MAPT: variants seen among roughly 807,000 people sequenced by gnomAD.
MAPT encodes the protein microtubule associated protein tau.
Under a neutral mutation model 67.9 loss-of-function variants are expected in MAPT, and 34 were observed. The observed-to-expected ratio is 0.50, with a 90% CI of 0.38 to 0.67. The LOEUF is 0.67. Among genes scored for constraint, MAPT ranks in the 30% least tolerant of loss-of-function variants. The probability of loss-of-function intolerance (pLI) is 0.00; values close to 1 mark genes in which losing one functional copy is unlikely to be tolerated. For synonymous variants in MAPT, 456 were observed against 464.5 expected, an observed-to-expected ratio of 0.98 and a Z score of 0.23; for missense variants, 881 against 1,115.2, an observed-to-expected ratio of 0.79 and a Z score of 2.99.
At chr17:46,001,876 T>G (rs2075030987) in intron 9 of MAPT, among the ~76,000 whole-genome samples, 2 of 152,076 alleles carry the variant, frequency 1.3e-5, no homozygotes, top group Non-Finnish European at 2.9e-5. Flanking sequence ...GGCAAGGACA[T>G]GCAGGGGGAG....
At chr17:45,992,577 G>C (rs994610533) in intron 8 of MAPT, among the ~76,000 whole-genome samples, 2 of 152,240 alleles carry the variant, frequency 1.3e-5, no homozygotes, top group African/African-American at 4.8e-5. Flanking sequence ...GAGTTATTTT[G>C]CAGCCAGGAG....
chr17:45,934,156 G>T (rs370431710), intron 1 of MAPT, among the ~76,000 whole-genome samples: 3 of 152,196 alleles, frequency 2.0e-5, no homozygotes, highest in African/African-American at 7.2e-5. Flanking sequence ...GAGGCCAGGA[G>T]TTCAAGACCT....
chr17:45,988,155 GC>G (rs932066042), intron 6 of MAPT, among the ~76,000 whole-genome samples: 37 of 152,252 alleles, frequency 2.4e-4, no homozygotes, highest in African/African-American at 8.9e-4. Flanking sequence ...CAGCCCCAGG[GC>G]CCCAGCCTGT....
At chr17:45,938,810 A>ATTTTTTTT in intron 1 of MAPT, among the ~76,000 whole-genome samples, 1 of 118,104 alleles carries the variant, frequency 8.5e-6, no homozygotes, top group Non-Finnish European at 1.7e-5. Context: ...TGCCCAGCTA[A>ATTTTTTTT]TTTTTTTTTT....
intron 1 of MAPT, among the ~76,000 whole-genome samples, chr17:45,955,300 C>T (rs1240697553): frequency 1.3e-5 from 2 of 152,178 alleles, no homozygotes; most frequent in African/African-American, 2.4e-5. Context: ...ATTTTGAAGC[C>T]CAGTCTAGTA....
Position 45,989,863 on chromosome 17 carries a change from A to G in MAPT, c.1408-15A>G, listed in dbSNP as rs2073922550. 4 of 1,611,472 alleles carry G rather than the reference A, an allele frequency of 2.5e-6. No individual in the cohort carries two copies. The highest frequency in any genetic ancestry group is 3.4e-6 in the Non-Finnish European group (4 of 1,177,700). On this transcript the variant is annotated splice_polypyrimidine_tract_variant and intron_variant, in intron 6 of 12. Transcript: ENST00000262410. ...GCTGACTTTTATTTTGATTTTATTT[A>G]TGTTTATGTTTAAGACATCCACACG...
intron 1 of MAPT, among the ~76,000 whole-genome samples, chr17:45,923,785 C>G (rs1275426553): frequency 6.6e-6 from 1 of 152,192 alleles, no homozygotes; most frequent in Non-Finnish European, 1.5e-5. Flanking sequence ...AAGTTTCGTG[C>G]ACACACTCTA....
rs528464069 is a variant in MAPT at position 45,996,886 on chromosome 17, A to G, written c.1998+222A>G. On this transcript the variant is annotated intron_variant, in intron 9 of 12. Transcript: ENST00000262410. The surrounding 1 kb of genome is among the most constrained non-coding windows in gnomAD (Gnocchi z 4.5). ...AGTTCAGTTCTTTATTGGGCTCTCCACTACACTGTGAGTGCCCTCCTCAGG... is the reference window on the plus strand; with the variant it reads ...AGTTCAGTTCTTTATTGGGCTCTCCGCTACACTGTGAGTGCCCTCCTCAGG... 1.6e-4 allele frequency among the ~76,000 whole-genome samples: 25 copies of G among 152,272 alleles called. No homozygotes were observed. The highest frequency in any genetic ancestry group is 5.5e-4 in the African/African-American group (23 of 41,538).
At chr17:45,937,744 G>T (rs1029674731) in intron 1 of MAPT, among the ~76,000 whole-genome samples, 20 of 152,030 alleles carry the variant, frequency 1.3e-4, no homozygotes, top group African/African-American at 4.8e-4. Flanking sequence ...CACATGCTCT[G>T]TGGGCTTTTG....
intron 2 of MAPT, among the ~76,000 whole-genome samples, chr17:45,968,199 C>CA (rs1039230385): frequency 4.9e-5 from 7 of 144,106 alleles, no homozygotes; most frequent in Admixed American, 1.4e-4. Context: ...CAAAACAAAA[C>CA]AAAAAACAAC....
At position 45,953,015 on chromosome 17, in the gene MAPT, G is replaced by GATGATT. The variant is rs1177976918; in HGVS notation, c.-17-9301_-17-9300insTATGAT. Among the ~76,000 whole-genome samples the GATGATT allele has an allele frequency of 1.6e-4, 24 of 151,852 alleles. No homozygotes were observed. In the East Asian group the frequency reaches 4.7e-3, roughly 29 times the overall value. ...GAATCATAACACCTATGATGATGAT[G>GATGATT]ATGATGATGATGATGATGACACCTA... On this transcript the variant is annotated intron_variant, in intron 1 of 12. Coordinates refer to ENST00000262410, the MANE Select transcript of MAPT (RefSeq NM_001377265.1).
chr17:45,915,736 T>A lies in MAPT; in HGVS notation c.-18+21050T>A, dbSNP rs1312484092. ...GGAGGTGGGCTAGTGTGCTGAAGTA[T>A]CTACTCCTTGTCATAGTCTGTGACA... On this transcript the variant is annotated intron_variant, in intron 1 of 12. Transcript: ENST00000262410. This position sits in a 1 kb window ranked among gnomAD's most constrained non-coding sequence, Gnocchi z 4.4. Among the ~76,000 whole-genome samples the A allele has an allele frequency of 3.9e-5, 6 of 151,934 alleles. No homozygotes were observed. The highest frequency in any genetic ancestry group is 1.2e-4 in the African/African-American group (5 of 41,354).
chr17:46,003,424 A>T lies in MAPT; in HGVS notation c.1998+6760A>T, dbSNP rs937606263. ...CTCCCTAGTAGCTGGGATTACAAGC[A>T]CACACCACCATGCCTAGCAAATTTT... On this transcript the variant is annotated intron_variant, in intron 9 of 12. Coordinates refer to ENST00000262410, the MANE Select transcript of MAPT (RefSeq NM_001377265.1). Among the ~76,000 whole-genome samples, 9 of 152,166 alleles carry T rather than the reference A, an allele frequency of 5.9e-5. No individual in the cohort carries two copies. In the East Asian group the frequency reaches 1.7e-3, roughly 29 times the overall value.
chr17:45,997,219 C>T (rs1457549165), intron 9 of MAPT, among the ~76,000 whole-genome samples: 1 of 152,166 alleles, frequency 6.6e-6, no homozygotes, highest in African/African-American at 2.4e-5. Flanking sequence ...GCACAGACTT[C>T]GGGGGCCTGG....
At chr17:45,982,382 A>T (rs2145630339) in intron 4 of MAPT, among the ~76,000 whole-genome samples, 1 of 151,758 alleles carries the variant, frequency 6.6e-6, no homozygotes, top group East Asian at 2.0e-4. Context: ...GGGAGAGGAA[A>T]GGGGATTCTC....
chr17:46,026,209 C>G lies in MAPT; in HGVS notation c.*2038C>G, dbSNP rs1399609218. 1.3e-5 allele frequency: 2 copies of G among 152,676 alleles called. No homozygotes were observed. The highest frequency in any genetic ancestry group is 2.1e-4 in the South Asian group (1 of 4,836). The allele number at this position is 152,676 out of a possible 1,614,324, so 9.5% of individuals were successfully genotyped here. A position where few individuals can be genotyped will look rare whatever the true frequency, so the allele number is the denominator to read the frequency against. ...ACTCGTGTGGCCTGTGTGGTGCCACCCTGCTGGGGCCTCCCAAGTTTTGAA... is the reference window on the plus strand; with the variant it reads ...ACTCGTGTGGCCTGTGTGGTGCCACGCTGCTGGGGCCTCCCAAGTTTTGAA... On this transcript the variant is annotated 3_prime_UTR_variant, in exon 13 of 13. Coordinates refer to ENST00000262410, the MANE Select transcript of MAPT (RefSeq NM_001377265.1).
At chr17:45,955,729 C>CT (rs754582955) in intron 1 of MAPT, among the ~76,000 whole-genome samples, 57 of 125,312 alleles carry the variant, frequency 4.5e-4, no homozygotes, top group South Asian at 2.1e-3. Flanking sequence ...ACACTCCTTC[C>CT]TTTTTTTTTT....
rs1339161628 is a variant in MAPT, at chr17:45,915,742, C to T, written c.-18+21056C>T. 6.6e-6 allele frequency among the ~76,000 whole-genome samples: 1 copy of T among 152,024 alleles called. No homozygotes were observed. The highest frequency in any genetic ancestry group is 1.5e-5 in the Non-Finnish European group (1 of 67,996). On this transcript the variant is annotated intron_variant, in intron 1 of 12. Transcript: ENST00000262410. The surrounding 1 kb of genome is among the most constrained non-coding windows in gnomAD (Gnocchi z 4.4). ...GGGCTAGTGTGCTGAAGTATCTACT[C>T]CTTGTCATAGTCTGTGACAACCCAG...
At chr17:46,014,559 A>T (rs553758154) in intron 11 of MAPT, among the ~76,000 whole-genome samples, 2 of 152,162 alleles carry the variant, frequency 1.3e-5, no homozygotes, top group East Asian at 3.9e-4. Context: ...GTGAAGTGAA[A>T]TAAGGCAGGC....
Sources: allele counts gnomAD v4.1 joint callset (sites outside exome capture counted in the v4.1 genomes callset), GRCh38; gene constraint gnomAD v4.1.1; non-coding constraint Gnocchi (gnomAD v3.1); transcripts MANE v1.5; gene names NCBI Gene and HGNC (gene_info 2026-07-23, HGNC 2026-07-21).